Variants in RFTN1 observed in about 807,000 individuals in gnomAD.
RFTN1 encodes raftlin, lipid raft linker 1.
RFTN1 carries 26 observed loss-of-function variants against 46.5 expected under a neutral mutation model. That is an observed-to-expected ratio of 0.56 (90% CI 0.41 to 0.78). RFTN1 has a LOEUF of 0.78. RFTN1 is among the 30% of genes least tolerant of loss of function. The pLI is 0.00. For synonymous variants in RFTN1, 261 were observed against 284.2 expected (o/e 0.92, Z 0.82); for missense variants, 693 against 718.7 (o/e 0.96, Z 0.41).
intron 7 of RFTN1, among the ~76,000 whole-genome samples, chr3:16,332,630 A>G (rs369197392): frequency 6.6e-6 from 1 of 152,160 alleles, no homozygotes; most frequent in African/African-American, 2.4e-5. Flanking sequence ...CTCCCATCCC[A>G]TGGTGATTTA....
chr3:16,493,632 AC>A, intron 2 of RFTN1, 92 bp downstream of exon 2: 1 of 975,902 alleles, frequency 1.0e-6, no homozygotes, highest in Non-Finnish European at 1.4e-6. Flanking sequence ...CACAGCCCCC[AC>A]CCCATCCAGC....
At chr3:16,403,256 C>A (rs932579944) in intron 4 of RFTN1, among the ~76,000 whole-genome samples, 2 of 152,072 alleles carry the variant, frequency 1.3e-5, no homozygotes, top group Admixed American at 6.6e-5. Context: ...TGGCCAAGTG[C>A]TCTAGAACAC....
chr3:16,493,662 T>C, intron 2 of RFTN1, 63 bp downstream of exon 2: 4 of 584,296 alleles, frequency 6.8e-6, no homozygotes, highest in East Asian at 4.9e-5. Flanking sequence ...TGCACCCCCA[T>C]CCCCTGCAGG....
chr3:16,340,344 G>C (rs1188293712), intron 7 of RFTN1, among the ~76,000 whole-genome samples: 2 of 152,232 alleles, frequency 1.3e-5, no homozygotes, highest in African/African-American at 4.8e-5. Context: ...CCTGTGAAGA[G>C]GTTCAGGTTA....
intron 4 of RFTN1, among the ~76,000 whole-genome samples, chr3:16,388,888 G>T (rs1367689624): frequency 6.6e-6 from 1 of 152,142 alleles, no homozygotes; most frequent in African/African-American, 2.4e-5. Context: ...AGTGACCTTG[G>T]AATTACAAGC....
Position 16,473,839 on chromosome 3 carries a change from G to A in RFTN1, c.145+19886C>T, listed in dbSNP as rs1014091607. 2.0e-5 allele frequency among the ~76,000 whole-genome samples: 3 copies of A among 152,162 alleles called. No individual in the cohort carries two copies. Among genetic ancestry groups the A allele is most frequent in the African/African-American group, 7.2e-5 (3 of 41,438 alleles). ...CTTCTCCCTATCCTTCCCTGTCCTA[G>A]AAGCACGAAACCTACCTCTCCGGGC... is the stretch of plus-strand genomic sequence containing the variant. On this transcript the variant is annotated intron_variant, in intron 2 of 9. Coordinates refer to ENST00000334133, the MANE Select transcript of RFTN1 (RefSeq NM_015150.2). The surrounding 1 kb of genome is among the most constrained non-coding windows in gnomAD (Gnocchi z 5.3).
In RFTN1 at chr3:16,370,276, A is replaced by G. The variant is rs751224954; in HGVS notation, c.830T>C (p.Met277Thr). 6.2e-7 allele frequency: 1 copy of G among 1,613,516 alleles called. No individual in the cohort carries two copies. The highest frequency in any genetic ancestry group is 1.7e-5 in the Admixed American group (1 of 59,978). ...TTTGTTGAAAAGGGTGAAGATCTCC[A>G]TTTCTGTTGGGATTTGTAAAGGGAG... is the stretch of plus-strand genomic sequence containing the variant. ...EVHEEPLSGKMEIFTLFNKPK... is the reference protein window; with the variant it reads ...EVHEEPLSGKTEIFTLFNKPK... The change falls in exon 6 of 10, where the codon ATG (methionine) becomes ACG (threonine). Residue 277 changes from methionine (M) to threonine (T), a missense_variant. Coordinates refer to ENST00000334133, the MANE Select transcript of RFTN1 (RefSeq NM_015150.2). The surrounding 1 kb of genome is among the most constrained non-coding windows in gnomAD (Gnocchi z 5.5).
At position 16,440,597 on chromosome 3, in the gene RFTN1, A is replaced by G. The variant is rs2075601670; in HGVS notation, c.146-6560T>C. On this transcript the variant is annotated intron_variant, in intron 2 of 9. Coordinates refer to ENST00000334133, the MANE Select transcript of RFTN1 (RefSeq NM_015150.2). The surrounding 1 kb of genome is among the most constrained non-coding windows in gnomAD (Gnocchi z 4.6). ...TAACAGAGGTATCTGCAGGCCAGGA[A>G]AATAAAGTAAACAAGAGACATGAGC... Among the ~76,000 whole-genome samples the G allele has an allele frequency of 1.3e-5, 2 of 152,102 alleles. No homozygotes were observed. The highest frequency in any genetic ancestry group is 4.1e-4 in the South Asian group (2 of 4,830).
chr3:16,416,101 C>A, intron 3 of RFTN1: 1 of 360,440 alleles, frequency 2.8e-6, no homozygotes, highest in East Asian at 9.6e-5. Context: ...ATCTTGGGAC[C>A]CCCCACTTAC....
At position 16,509,773 on chromosome 3, in the gene RFTN1, G is replaced by A. The variant is rs1269115121; in HGVS notation, c.-9+3669C>T. ...AGGCGATCACCCAGATGGGTATCAC[G>A]AGTCACGAAATCACTCAGCCAATGT... On this transcript the variant is annotated intron_variant, in intron 1 of 9. Coordinates refer to ENST00000334133, the MANE Select transcript of RFTN1 (RefSeq NM_015150.2). The surrounding 1 kb of genome is among the most constrained non-coding windows in gnomAD (Gnocchi z 4.9). Among the ~76,000 whole-genome samples, 7 of 152,150 alleles carry A rather than the reference G, an allele frequency of 4.6e-5. No homozygotes were observed. The highest frequency in any genetic ancestry group is 1.0e-4 in the Non-Finnish European group (7 of 68,028).
intron 8 of RFTN1, 39 bp downstream of exon 8, chr3:16,326,734 A>G (rs2069733984): frequency 1.4e-6 from 2 of 1,441,686 alleles, no homozygotes; most frequent in Non-Finnish European, 2.0e-6. Context: ...GCACAGAGTA[A>G]GTGTTCAATA....
rs954514043 is a variant in RFTN1 at position 16,506,698 on chromosome 3, C to G, written c.-9+6744G>C. On this transcript the variant is annotated intron_variant, in intron 1 of 9. Coordinates refer to ENST00000334133, the MANE Select transcript of RFTN1 (RefSeq NM_015150.2). The surrounding 1 kb of genome is among the most constrained non-coding windows in gnomAD (Gnocchi z 4.8). ...ACCCAAGCAGAGGTATGCAGTAGGC[C>G]GCTGGATGTACCATTTCGAGTTCAG... 2.6e-5 allele frequency among the ~76,000 whole-genome samples: 4 copies of G among 151,676 alleles called. No homozygotes were observed. Among genetic ancestry groups the G allele is most frequent in the African/African-American group, 4.8e-5 (2 of 41,270 alleles).
Position 16,370,411 on chromosome 3 carries a change from T to C in RFTN1, c.827-132A>G, listed in dbSNP as rs1461286051. ...ATGAATGCTGAAATCTCTGTGAGGC[T>C]GTATTGTTGCCAGATAATAAAGCCT... On this transcript the variant is annotated intron_variant, in intron 5 of 9. Transcript: ENST00000334133. This position sits in a 1 kb window ranked among gnomAD's most constrained non-coding sequence, Gnocchi z 5.5. 8.2e-6 allele frequency: 7 copies of C among 856,904 alleles called. No homozygotes were observed. The highest frequency in any genetic ancestry group is 1.3e-5 in the Non-Finnish European group (7 of 529,586). 53.1% of individuals were successfully genotyped at this position (856,904 alleles called of 1,614,324 possible).
chr3:16,342,677 C>T lies in RFTN1; in HGVS notation c.1146+15255G>A, dbSNP rs1453473055. 6.6e-6 allele frequency among the ~76,000 whole-genome samples: 1 copy of T among 152,230 alleles called. No homozygotes were observed. The highest frequency in any genetic ancestry group is 1.5e-5 in the Non-Finnish European group (1 of 68,040). The stretch of plus-strand genomic sequence containing the variant: ...CTCTTGGCCTCACTAGACTAGTTCT[C>T]AAGCCTTCTTAAGTCTAATTTGCCA... On this transcript the variant is annotated intron_variant, in intron 7 of 9. Coordinates refer to ENST00000334133, the MANE Select transcript of RFTN1 (RefSeq NM_015150.2). The surrounding 1 kb of genome is among the most constrained non-coding windows in gnomAD (Gnocchi z 4.0).
chr3:16,482,897 T>A (rs1460622937), intron 2 of RFTN1: 1 of 1,466,538 alleles, frequency 6.8e-7, no homozygotes, highest in Non-Finnish European at 9.2e-7. Context: ...AGCTTAAATT[T>A]GCGGAAATAT....
In RFTN1 at chr3:16,410,581, T is replaced by C. The variant is rs2074963974; in HGVS notation, c.333-1098A>G. On this transcript the variant is annotated intron_variant, in intron 3 of 9. Transcript: ENST00000334133. The surrounding 1 kb of genome is among the most constrained non-coding windows in gnomAD (Gnocchi z 4.6). The stretch of plus-strand genomic sequence containing the variant: ...TTAGAGGGCAATCTGGCAAAATCTA[T>C]GGAAATTAAAGATGCATTAAAGAAA... Among the ~76,000 whole-genome samples, 1 of 152,134 alleles carries C rather than the reference T, an allele frequency of 6.6e-6. No individual in the cohort carries two copies. The highest frequency in any genetic ancestry group is 6.6e-5 in the Admixed American group (1 of 15,266).
chr3:16,405,439 A>G (rs1016406584), intron 4 of RFTN1, among the ~76,000 whole-genome samples: 1 of 152,212 alleles, frequency 6.6e-6, no homozygotes, highest in African/African-American at 2.4e-5. Flanking sequence ...AAATGCAGTA[A>G]GGTAGATTTC....
At chr3:16,467,280 T>C (rs1475529621) in intron 2 of RFTN1, among the ~76,000 whole-genome samples, 1 of 152,186 alleles carries the variant, frequency 6.6e-6, no homozygotes, top group African/African-American at 2.4e-5. Flanking sequence ...CACAGTGCCT[T>C]GGTCTTTCAA....
intron 7 of RFTN1, among the ~76,000 whole-genome samples, chr3:16,340,281 T>C (rs946980868): frequency 1.3e-5 from 2 of 152,256 alleles, no homozygotes; most frequent in Admixed American, 6.5e-5. Flanking sequence ...TGAAATAAGC[T>C]AGCACATTGG....
Sources: allele counts gnomAD v4.1 joint callset (sites outside exome capture counted in the v4.1 genomes callset), GRCh38; gene constraint gnomAD v4.1.1; non-coding constraint Gnocchi (gnomAD v3.1); transcripts MANE v1.5; gene names NCBI Gene and HGNC (gene_info 2026-07-23, HGNC 2026-07-21).